NTRK3: variants seen among roughly 807,000 people sequenced by gnomAD.
NTRK3 encodes NT-3 growth factor receptor.
In NTRK3, 24 loss-of-function variants were observed where a neutral mutation model predicts 91.7. The observed-to-expected ratio is 0.26, with a 90% CI of 0.19 to 0.37. The LOEUF is 0.37. Among genes scored for constraint, NTRK3 ranks in the 10% least tolerant of loss-of-function variants. NTRK3 has a pLI of 1.00. For synonymous variants in NTRK3, 483 were observed against 404.0 expected, an observed-to-expected ratio of 1.20 and a Z score of -2.34; for missense variants, 880 against 1,068.9, an observed-to-expected ratio of 0.82 and a Z score of 2.46.
intron 13 of NTRK3, among the ~76,000 whole-genome samples, chr15:88,053,110 G>T (rs2045373140): frequency 6.6e-6 from 1 of 152,164 alleles, no homozygotes; most frequent in Non-Finnish European, 1.5e-5. Flanking sequence ...CAAAGCCCTT[G>T]TTTGATGGCA....
intron 13 of NTRK3, among the ~76,000 whole-genome samples, chr15:88,116,508 G>A (rs1206654807): frequency 6.6e-6 from 1 of 152,086 alleles, no homozygotes; most frequent in Non-Finnish European, 1.5e-5. Context: ...AGACCTTTGA[G>A]GTAGGTTCAT....
At chr15:87,987,014 C>T (rs903020382) in intron 14 of NTRK3, among the ~76,000 whole-genome samples, 5 of 152,218 alleles carry the variant, frequency 3.3e-5, no homozygotes, top group African/African-American at 1.2e-4. Context: ...TACTCTAGAG[C>T]TTTTTTACTC....
intron 5 of NTRK3, among the ~76,000 whole-genome samples, chr15:88,175,257 GGA>G (rs1341479115): frequency 6.6e-6 from 1 of 152,188 alleles, no homozygotes; most frequent in African/African-American, 2.4e-5. Context: ...GCCAGCTAAT[GGA>G]GCAGCCTCCA....
chr15:88,075,887 C>T (rs1178110917), intron 13 of NTRK3, among the ~76,000 whole-genome samples: 3 of 152,156 alleles, frequency 2.0e-5, no homozygotes, highest in Non-Finnish European at 4.4e-5. Flanking sequence ...GTTTCCTCAC[C>T]TGCGAAATAA....
chr15:87,913,142 AG>A (rs2067215311), intron 17 of NTRK3, among the ~76,000 whole-genome samples: 1 of 151,758 alleles, frequency 6.6e-6, no homozygotes, highest in Admixed American at 6.6e-5. Context: ...TAAGAAAAGA[AG>A]AAAAAATCCA....
At chr15:87,911,824 T>C (rs2067103867) in intron 17 of NTRK3, among the ~76,000 whole-genome samples, 1 of 152,234 alleles carries the variant, frequency 6.6e-6, no homozygotes, top group Non-Finnish European at 1.5e-5. Flanking sequence ...CTACCATATA[T>C]CATGTATAGT....
At chr15:88,146,502 C>T (rs2042901827) in intron 6 of NTRK3, among the ~76,000 whole-genome samples, 1 of 152,174 alleles carries the variant, frequency 6.6e-6, no homozygotes, top group Non-Finnish European at 1.5e-5. Context: ...TCAATTTATT[C>T]CTTGATTTAT....
intron 14 of NTRK3, among the ~76,000 whole-genome samples, chr15:87,979,746 G>A (rs1035673011): frequency 2.0e-5 from 3 of 152,110 alleles, no homozygotes; most frequent in African/African-American, 7.2e-5. Flanking sequence ...GAGGAGGAGA[G>A]GTCTCATCTA....
At chr15:88,118,589 C>A (rs2052362878) in intron 13 of NTRK3, among the ~76,000 whole-genome samples, 1 of 152,196 alleles carries the variant, frequency 6.6e-6, no homozygotes, top group African/African-American at 2.4e-5. Flanking sequence ...AAGTTTGTGA[C>A]TTTTTAAAAG....
exon 19 of NTRK3, chr15:87,873,942 A>G (rs2064887648): frequency 4.3e-6 from 1 of 230,266 alleles, no homozygotes. Flanking sequence ...CTGTCCTGCC[A>G]TTCCAGAATG....
At chr15:88,056,672 T>G (rs975285549) in intron 13 of NTRK3, among the ~76,000 whole-genome samples, 2 of 152,232 alleles carry the variant, frequency 1.3e-5, no homozygotes, top group African/African-American at 4.8e-5. Context: ...AGCCTTAGCA[T>G]GGTTCCGCAT....
exon 19 of NTRK3, chr15:87,867,394 A>G (rs1416886770): frequency 4.4e-6 from 1 of 229,402 alleles, no homozygotes; most frequent in Non-Finnish European, 8.7e-6. Flanking sequence ...CTTCCAAAGG[A>G]GGGTCACAAG....
intron 3 of NTRK3, among the ~76,000 whole-genome samples, chr15:88,245,578 A>G (rs1213275287): frequency 1.3e-5 from 2 of 152,268 alleles, no homozygotes; most frequent in Non-Finnish European, 2.9e-5. Flanking sequence ...GGGTGTGGAA[A>G]ATGAGCTAGA....
chr15:87,921,199 T>A (rs919322971), intron 17 of NTRK3, among the ~76,000 whole-genome samples: 4 of 152,140 alleles, frequency 2.6e-5, no homozygotes, highest in Admixed American at 1.3e-4. Context: ...CTCCTCTATA[T>A]AAATAGGACG....
chr15:87,941,386 T>C (rs2069830530), intron 14 of NTRK3, among the ~76,000 whole-genome samples: 1 of 152,054 alleles, frequency 6.6e-6, no homozygotes, highest in Non-Finnish European at 1.5e-5. Context: ...TTAAATGAGA[T>C]AATCCATATA....
chr15:88,223,705 G>A (rs116457930), intron 3 of NTRK3, among the ~76,000 whole-genome samples: 2,194 of 152,252 alleles, frequency 0.014, 63 homozygotes, highest in African/African-American at 0.049. Flanking sequence ...TAATAATACC[G>A]TCTACCTCCT....
chr15:88,252,162 CCT>C (rs969462202), intron 3 of NTRK3, among the ~76,000 whole-genome samples: 1 of 152,168 alleles, frequency 6.6e-6, no homozygotes, highest in African/African-American at 2.4e-5. Context: ...TTTCTGCCCA[CCT>C]CTCTCAGACC....
chr15:87,970,754 T>C (rs148418049), intron 14 of NTRK3, among the ~76,000 whole-genome samples: 44 of 152,244 alleles, frequency 2.9e-4, no homozygotes, highest in African/African-American at 1.0e-3. Flanking sequence ...ATTGCTGCAA[T>C]CAATAAAAAG....
chr15:88,060,672 C>A (rs527704423), intron 13 of NTRK3, among the ~76,000 whole-genome samples: 1 of 152,136 alleles, frequency 6.6e-6, no homozygotes, highest in Non-Finnish European at 1.5e-5. Flanking sequence ...ACAGCAGGAG[C>A]TAATTGTCCC....
Sources: gnomAD v4.1 joint callset for allele counts (sites outside exome capture counted in the v4.1 genomes callset) on GRCh38, gnomAD v4.1.1 for gene constraint, MANE v1.5 for transcripts, NCBI Gene and HGNC (gene_info 2026-07-23, HGNC 2026-07-21) for gene names.